Variants in PTPRN2 observed in about 807,000 individuals in gnomAD.
The protein encoded by PTPRN2 is protein tyrosine phosphatase receptor type N2.
A neutral mutation model predicts 118.8 loss-of-function variants in PTPRN2; 74 were observed. That is an observed-to-expected ratio of 0.62 (90% CI 0.52 to 0.76). The LOEUF (loss-of-function observed/expected upper bound fraction) is 0.76, where lower values mean the gene tolerates loss of function less well. Among genes scored for constraint, PTPRN2 ranks in the 30% least tolerant of loss-of-function variants. The pLI is 0.00. For missense variants in PTPRN2, 1,481 were observed against 1,394.4 expected, an observed-to-expected ratio of 1.06 and a Z score of -0.99; for synonymous variants, 641 against 608.0, an observed-to-expected ratio of 1.05 and a Z score of -0.80.
At chr7:158,066,308 C>A (rs1048276699) in intron 11 of PTPRN2, among the ~76,000 whole-genome samples, 1 of 152,234 alleles carries the variant, frequency 6.6e-6, no homozygotes, top group Admixed American at 6.5e-5. Context: ...CAAACAGCCA[C>A]CCTTCTGGCT....
intron 11 of PTPRN2, among the ~76,000 whole-genome samples, chr7:158,000,341 C>G (rs561738789): frequency 4.0e-5 from 6 of 148,652 alleles, no homozygotes; most frequent in Non-Finnish European, 8.9e-5. Flanking sequence ...TGCCAAGGCC[C>G]GTAAGAGAAG....
rs199501985 is a variant in PTPRN2 at position 157,615,511 on chromosome 7, G to A, written c.2344+5851C>T. On this transcript the variant is annotated intron_variant, in intron 15 of 22. Transcript: ENST00000389418. The surrounding 1 kb of genome is among the most constrained non-coding windows in gnomAD (Gnocchi z 4.3). ...GCCAATATGCTCGGGACCTGGGGAC[G>A]GCTGGGGTGACCCCATCGCAAGGCC... is the stretch of plus-strand genomic sequence containing the variant. 4.2e-6 allele frequency: 2 copies of A among 471,192 alleles called. No individual in the cohort carries two copies. The highest frequency in any genetic ancestry group is 1.5e-5 in the South Asian group (1 of 64,572). The allele number at this position is 471,192 out of a possible 1,614,324, so 29.2% of individuals were successfully genotyped here. A position where few individuals can be genotyped will look rare whatever the true frequency, so the allele number is the denominator to read the frequency against.
intron 9 of PTPRN2, among the ~76,000 whole-genome samples, chr7:158,126,882 C>G (rs550568176): frequency 1.1e-3 from 167 of 152,316 alleles, no homozygotes; most frequent in African/African-American, 3.7e-3. Flanking sequence ...AGTTCCTCTC[C>G]CTGGCCGGCG....
intron 14 of PTPRN2, among the ~76,000 whole-genome samples, chr7:157,650,246 C>T (rs1043062524): frequency 2.6e-5 from 4 of 152,202 alleles, no homozygotes; most frequent in Admixed American, 6.5e-5. Flanking sequence ...ACCTGCCCGC[C>T]GGAGAGAGAC....
intron 2 of PTPRN2, among the ~76,000 whole-genome samples, chr7:158,423,978 C>T (rs190366389): frequency 9.2e-5 from 14 of 152,302 alleles, no homozygotes; most frequent in African/African-American, 3.4e-4. Context: ...TGGTAATTAC[C>T]TTATTTTCAC....
chr7:158,192,288 A>G (rs1007661875), intron 5 of PTPRN2, 39 bp downstream of exon 5: 2 of 1,437,842 alleles, frequency 1.4e-6, no homozygotes, highest in Non-Finnish European at 1.8e-6. Context: ...CCCTGAAGGA[A>G]AAGCCAACCC....
rs1279163589 is a variant in PTPRN2 at position 157,691,067 on chromosome 7, T to TCCC, written c.1789-8133_1789-8131dup. Among the ~76,000 whole-genome samples the TCCC allele has an allele frequency of 2.0e-4, 9 of 44,490 alleles. 3 individuals carry two copies. Among genetic ancestry groups the TCCC allele is most frequent in the African/African-American group, 4.9e-4 (6 of 12,368 alleles). 29.2% of individuals were successfully genotyped at this position (44,490 alleles called of 152,430 possible). A position where few individuals can be genotyped will look rare whatever the true frequency, so the allele number is the denominator to read the frequency against. Reference sequence around the variant, plus strand: ...CCAGCCACCGGTTGCTATAGCGATGTCCCCCCCCCCCCCCACATGTTGCTG... The same window carrying TCCC: ...CCAGCCACCGGTTGCTATAGCGATGTCCCCCCCCCCCCCCCCCACATGTTGCTG... On this transcript the variant is annotated intron_variant, in intron 12 of 22. Transcript: ENST00000389418.
intron 6 of PTPRN2, among the ~76,000 whole-genome samples, chr7:158,139,244 A>T (rs1378511610): frequency 6.6e-6 from 1 of 152,154 alleles, no homozygotes; most frequent in African/African-American, 2.4e-5. Flanking sequence ...CCGCGGAGAG[A>T]TGTGTGCACC....
Position 158,265,295 on chromosome 7 carries a change from C to T in PTPRN2, c.277+51524G>A, listed in dbSNP as rs567627211. Among the ~76,000 whole-genome samples, 10 of 152,260 alleles carry T rather than the reference C, an allele frequency of 6.6e-5. No individual in the cohort carries two copies. In the South Asian group the frequency reaches 1.9e-3, roughly 28 times the overall value. The stretch of plus-strand genomic sequence containing the variant: ...TCCCCAGAGGCCCCTGACACAGACA[C>T]GAGCACATACCTGCAGGCACACACC... On this transcript the variant is annotated intron_variant, in intron 3 of 22. Coordinates refer to ENST00000389418, the MANE Select transcript of PTPRN2 (RefSeq NM_002847.5).
chr7:158,228,072 TG>T (rs1291852635), intron 3 of PTPRN2, among the ~76,000 whole-genome samples: 2 of 152,188 alleles, frequency 1.3e-5, no homozygotes, highest in Admixed American at 6.5e-5. Flanking sequence ...TATTCAAAGG[TG>T]GTAGCATTGT....
rs549200975 is a variant in PTPRN2 at position 157,784,240 on chromosome 7, T to A, written c.1789-101303A>T. On this transcript the variant is annotated intron_variant, in intron 12 of 22. Coordinates refer to ENST00000389418, the MANE Select transcript of PTPRN2 (RefSeq NM_002847.5). The surrounding 1 kb of genome is among the most constrained non-coding windows in gnomAD (Gnocchi z 4.6). ...AGCTCGTGAGTCAGCCTGGCCTAGT[T>A]GGAAAGGCACCAACTAGGTCTCAGG... Among the ~76,000 whole-genome samples the A allele has an allele frequency of 2.0e-5, 3 of 152,070 alleles. No homozygotes were observed. Among genetic ancestry groups the A allele is most frequent in the African/African-American group, 7.2e-5 (3 of 41,420 alleles).
intron 3 of PTPRN2, among the ~76,000 whole-genome samples, chr7:158,246,300 C>T (rs912650590): frequency 1.3e-5 from 2 of 151,584 alleles, no homozygotes; most frequent in South Asian, 4.2e-4. Context: ...GAAATGGCAG[C>T]GTAATGGGTG....
intron 11 of PTPRN2, among the ~76,000 whole-genome samples, chr7:158,076,866 C>G (rs765634915): frequency 2.6e-5 from 4 of 152,346 alleles, no homozygotes; most frequent in African/African-American, 4.8e-5. Flanking sequence ...GGCAGGGCCA[C>G]TGACATCCAG....
At chr7:158,489,678 G>T (rs1239610755) in intron 2 of PTPRN2, 57 bp downstream of exon 2, 6 of 1,513,034 alleles carry the variant, frequency 4.0e-6, no homozygotes, top group Non-Finnish European at 5.3e-6. Flanking sequence ...TGGGCGCTGC[G>T]CACGGCGGGC....
At chr7:157,776,275 TTCA>T (rs1402249173) in intron 12 of PTPRN2, among the ~76,000 whole-genome samples, 52 of 126,986 alleles carry the variant, frequency 4.1e-4, no homozygotes, top group Middle Eastern at 4.7e-3. Flanking sequence ...CCTCTTCCTC[TTCA>T]CCTCCTCCCT....
At chr7:158,365,604 A>ACACG (rs1201439831) in intron 2 of PTPRN2, among the ~76,000 whole-genome samples, 1 of 152,096 alleles carries the variant, frequency 6.6e-6, no homozygotes, top group African/African-American at 2.4e-5. Flanking sequence ...GCATGCATGC[A>ACACG]CACGCACACA....
intron 12 of PTPRN2, among the ~76,000 whole-genome samples, chr7:157,814,123 C>T (rs1444977836): frequency 2.0e-5 from 3 of 152,224 alleles, no homozygotes; most frequent in Non-Finnish European, 4.4e-5. Context: ...GGGGACACGG[C>T]GAAGGGCCTT....
intron 11 of PTPRN2, among the ~76,000 whole-genome samples, chr7:158,046,779 AT>A (rs1808911005): frequency 6.6e-6 from 1 of 152,116 alleles, no homozygotes; most frequent in Non-Finnish European, 1.5e-5. Context: ...CTAACCTGAC[AT>A]TTTGGAGACG....
intron 11 of PTPRN2, among the ~76,000 whole-genome samples, chr7:157,973,362 T>C (rs1341153189): frequency 9.3e-6 from 1 of 107,474 alleles, no homozygotes; most frequent in East Asian, 2.5e-4. Flanking sequence ...TGGGGAGGAA[T>C]GGGGAAAGGG....
Sources: allele counts gnomAD v4.1 joint callset (sites outside exome capture counted in the v4.1 genomes callset), GRCh38; gene constraint gnomAD v4.1.1; non-coding constraint Gnocchi (gnomAD v3.1); transcripts MANE v1.5; gene names NCBI Gene and HGNC (gene_info 2026-07-23, HGNC 2026-07-21).